Variants in ANKFN1 observed in about 807,000 individuals in gnomAD.
ANKFN1 encodes ankyrin repeat and fibronectin type III domain containing 1.
A neutral mutation model predicts 108.7 loss-of-function variants in ANKFN1; 74 were observed. The ratio of observed to expected loss-of-function variants is 0.68; its 90% CI spans 0.56 to 0.83. ANKFN1 has a LOEUF of 0.83. Among genes scored for constraint, ANKFN1 ranks in the 40% least tolerant of loss-of-function variants. ANKFN1 has a pLI of 0.00. For missense variants in ANKFN1, 1,505 were observed against 1,382.3 expected (o/e 1.09, Z -1.41); for synonymous variants, 547 against 516.2 (o/e 1.06, Z -0.81).
At chr17:56,074,519 G>A (rs911441611) in intron 4 of ANKFN1, among the ~76,000 whole-genome samples, 1 of 152,186 alleles carries the variant, frequency 6.6e-6, no homozygotes, top group Non-Finnish European at 1.5e-5. Context: ...CCTGGGAGTG[G>A]CAGCTTCTGA....
intron 16 of ANKFN1, among the ~76,000 whole-genome samples, chr17:56,480,407 C>T (rs538183052): frequency 5.3e-5 from 8 of 152,152 alleles, no homozygotes; most frequent in East Asian, 1.9e-4. Flanking sequence ...ATTTGAGAAC[C>T]CCAATCTCAA....
At chr17:56,238,499 C>A (rs1917328295) in intron 3 of ANKFN1, among the ~76,000 whole-genome samples, 1 of 152,040 alleles carries the variant, frequency 6.6e-6, no homozygotes, top group Non-Finnish European at 1.5e-5. Context: ...GATAGTTAGA[C>A]CTTCTTATTG....
intron 8 of ANKFN1, among the ~76,000 whole-genome samples, chr17:56,438,848 C>A (rs539518489): frequency 6.6e-6 from 1 of 152,234 alleles, no homozygotes; most frequent in Non-Finnish European, 1.5e-5. Flanking sequence ...ATACCAAAGG[C>A]AAACATGTGG....
At chr17:56,297,056 C>G (rs531560350) in intron 3 of ANKFN1, among the ~76,000 whole-genome samples, 1 of 152,100 alleles carries the variant, frequency 6.6e-6, no homozygotes, top group East Asian at 1.9e-4. Flanking sequence ...TCTTCAGGGA[C>G]AGTGTGAGAC....
chr17:56,258,053 G>A (rs2043403695), intron 3 of ANKFN1: 2 of 152,216 alleles, frequency 1.3e-5, no homozygotes, highest in African/African-American at 2.4e-5. Context: ...TCTTCTCTTG[G>A]AGGTTTTCAA....
At chr17:56,451,866 A>G (rs2049502046) in intron 11 of ANKFN1, among the ~76,000 whole-genome samples, 1 of 152,164 alleles carries the variant, frequency 6.6e-6, no homozygotes, top group Non-Finnish European at 1.5e-5. Context: ...CTCACTAACT[A>G]TACAACATAT....
chr17:56,115,059 A>G (rs2061592605), intron 4 of ANKFN1, among the ~76,000 whole-genome samples: 1 of 152,230 alleles, frequency 6.6e-6, no homozygotes, highest in Admixed American at 6.5e-5. Context: ...CAGACTTCCA[A>G]GATAATAGGT....
chr17:56,296,238 C>G (rs776004137), intron 3 of ANKFN1, among the ~76,000 whole-genome samples: 46 of 152,120 alleles, frequency 3.0e-4, no homozygotes, highest in Non-Finnish European at 5.6e-4. Context: ...AATCAGAGAA[C>G]ATTCTATTGA....
intron 4 of ANKFN1, among the ~76,000 whole-genome samples, chr17:56,093,854 G>A (rs552993864): frequency 4.0e-5 from 6 of 151,338 alleles, no homozygotes; most frequent in South Asian, 2.1e-4. Context: ...TGAATTGTGC[G>A]CCCCAACCAT....
intron 3 of ANKFN1, among the ~76,000 whole-genome samples, chr17:56,291,152 C>T (rs942700903): frequency 1.3e-5 from 2 of 152,262 alleles, no homozygotes; most frequent in Non-Finnish European, 2.9e-5. Context: ...TCAGTAATTT[C>T]TGAGGGGGCA....
At chr17:56,344,147 T>C (rs1485085349) in intron 4 of ANKFN1, among the ~76,000 whole-genome samples, 1 of 152,084 alleles carries the variant, frequency 6.6e-6, no homozygotes, top group Admixed American at 6.6e-5. Flanking sequence ...GCCTCATACA[T>C]AGTTTTCTTG....
At chr17:56,135,772 G>A (rs1340245042) in intron 4 of ANKFN1, among the ~76,000 whole-genome samples, 1 of 152,090 alleles carries the variant, frequency 6.6e-6, no homozygotes, top group Admixed American at 6.6e-5. Context: ...AGCTTCAGTG[G>A]CCTTTAAAAA....
chr17:56,393,721 A>G (rs904785072), intron 8 of ANKFN1, among the ~76,000 whole-genome samples: 1 of 152,232 alleles, frequency 6.6e-6, no homozygotes, highest in Non-Finnish European at 1.5e-5. Context: ...TGTAGGGAGC[A>G]TATAGTTAAG....
chr17:56,404,364 A>G (rs953286561), intron 8 of ANKFN1, among the ~76,000 whole-genome samples: 2 of 151,932 alleles, frequency 1.3e-5, no homozygotes, highest in Non-Finnish European at 2.9e-5. Context: ...ATATTTTCTT[A>G]TTCTTTTGTC....
At chr17:56,144,388 T>C (rs1908129012) in intron 4 of ANKFN1, among the ~76,000 whole-genome samples, 1 of 151,898 alleles carries the variant, frequency 6.6e-6, no homozygotes, top group Non-Finnish European at 1.5e-5. Flanking sequence ...TATTGGGTGA[T>C]GGGAAAAGTC....
At chr17:56,436,580 T>C (rs1347365394) in intron 8 of ANKFN1, among the ~76,000 whole-genome samples, 1 of 152,010 alleles carries the variant, frequency 6.6e-6, no homozygotes, top group Admixed American at 6.6e-5. Context: ...TCCCAACATT[T>C]TGGGAGGCTG....
At chr17:56,181,458 T>C (rs747410058) in intron 1 of ANKFN1, among the ~76,000 whole-genome samples, 2 of 152,202 alleles carry the variant, frequency 1.3e-5, no homozygotes, top group Non-Finnish European at 2.9e-5. Context: ...TATGTGTCTG[T>C]TTTACAGATG....
chr17:56,131,126 GA>G (rs1345671893), intron 4 of ANKFN1, among the ~76,000 whole-genome samples: 1 of 152,168 alleles, frequency 6.6e-6, no homozygotes, highest in Admixed American at 6.5e-5. Context: ...GAAACTGTCA[GA>G]AAATTCCAGG....
intron 18 of ANKFN1, among the ~76,000 whole-genome samples, chr17:56,491,233 C>A (rs2051028293): frequency 6.6e-6 from 1 of 152,120 alleles, no homozygotes; most frequent in African/African-American, 2.4e-5. Flanking sequence ...AGCCCTATTT[C>A]CAAAGCATGG....
Sources: allele counts gnomAD v4.1 joint callset (sites outside exome capture counted in the v4.1 genomes callset), GRCh38; gene constraint gnomAD v4.1.1; transcripts MANE v1.5; gene names NCBI Gene and HGNC (gene_info 2026-07-23, HGNC 2026-07-21).